Variants in PAK4 observed in about 807,000 individuals in gnomAD.
PAK4 encodes the protein p21 (RAC1) activated kinase 4.
A neutral mutation model predicts 53.5 loss-of-function variants in PAK4; 49 were observed. That is an observed-to-expected ratio of 0.92 (90% confidence interval 0.73 to 1.16). The LOEUF (loss-of-function observed/expected upper bound fraction) is 1.16, where lower values mean the gene tolerates loss of function less well. Among genes scored for constraint, PAK4 ranks in the 50% most tolerant of loss-of-function variants. The pLI is 0.00. For missense variants in PAK4, 824 were observed against 850.7 expected (o/e 0.97, Z 0.39); for synonymous variants, 376 against 375.6 (o/e 1.00, Z -0.01).
chr19:39,181,828 C>G (rs2074703201), downstream of PAK4: 1 of 152,322 alleles, frequency 6.6e-6, no homozygotes, highest in Non-Finnish European at 1.5e-5. Flanking sequence ...AGGAGGGGCA[C>G]AGGGATGGAT....
chr19:39,128,822 C>T (rs2073642754), intron 1 of PAK4, among the ~76,000 whole-genome samples: 1 of 152,186 alleles, frequency 6.6e-6, no homozygotes, highest in African/African-American at 2.4e-5. Flanking sequence ...TATTCACCAA[C>T]AGTAGAGCAA....
intron 1 of PAK4, among the ~76,000 whole-genome samples, chr19:39,127,980 G>T (rs568520540): frequency 1.8e-4 from 27 of 152,266 alleles, no homozygotes; most frequent in African/African-American, 6.5e-4. Flanking sequence ...GACGCTGAGG[G>T]GACTCAGCTT....
rs967793012 is a variant in PAK4 at position 39,142,801 on chromosome 19, C to T, written c.-23+16882C>T. Among the ~76,000 whole-genome samples, 3 of 152,240 alleles carry T rather than the reference C, an allele frequency of 2.0e-5. No homozygotes were observed. In the East Asian group the frequency reaches 5.8e-4, roughly 29 times the overall value. On this transcript the variant is annotated intron_variant, in intron 1 of 8. Coordinates refer to ENST00000358301, the Ensembl canonical transcript of PAK4. ...GTGTCACCCTGGGTGGCTTTCCCAG[C>T]CTCTCTACCTGCTTCCTTCTTGACA... is the stretch of plus-strand genomic sequence containing the variant.
chr19:39,141,371 A>C (rs1158677068), intron 1 of PAK4, among the ~76,000 whole-genome samples: 2 of 147,916 alleles, frequency 1.4e-5, no homozygotes, highest in African/African-American at 5.0e-5. Context: ...GCTGGAGTGC[A>C]GTGGTGCGAT....
chr19:39,148,596 G>A (rs4803212), intron 1 of PAK4, among the ~76,000 whole-genome samples: 45,515 of 147,644 alleles, frequency 0.31, 7,382 homozygotes, highest in Middle Eastern at 0.42. Context: ...CTGGGACTAG[G>A]GAGGCGCCCA....
rs767821493 is a variant in PAK4, at chr19:39,178,399, CT to C, written c.1621-24del. On this transcript the variant is annotated intron_variant, in intron 8 of 8. Transcript: ENST00000358301. This position sits in a 1 kb window ranked among gnomAD's most constrained non-coding sequence, Gnocchi z 4.4. ...AATGAACAGTGGGGAGCCTCGCCCC[CT>C]GACCCTCCCCTCCTTCTCGACAGGT... 12 of 1,564,662 alleles carry C rather than the reference CT, an allele frequency of 7.7e-6. No individual in the cohort carries two copies. Among genetic ancestry groups the C allele is most frequent in the African/African-American group, 4.1e-5 (3 of 73,514 alleles).
intron 1 of PAK4, among the ~76,000 whole-genome samples, chr19:39,148,141 G>A (rs894559083): frequency 6.6e-5 from 10 of 151,506 alleles, no homozygotes; most frequent in East Asian, 1.9e-4. Context: ...TAGTAGAGAC[G>A]GGGTTTCACC....
intron 1 of PAK4, 28 bp from the exon 3 acceptor site, chr19:39,169,504 A>G: frequency 6.6e-7 from 1 of 1,504,910 alleles, no homozygotes. Flanking sequence ...GCAGGCTCTC[A>G]CTCACCCACC....
intron 1 of PAK4, among the ~76,000 whole-genome samples, chr19:39,155,352 GA>G (rs1310308883): frequency 6.6e-6 from 1 of 152,180 alleles, no homozygotes; most frequent in Non-Finnish European, 1.5e-5. Flanking sequence ...GCAAGCTGCA[GA>G]CAGTGACAGC....
rs371469875 is a variant in PAK4, at chr19:39,131,614, G to A, written c.-23+5695G>A. On this transcript the variant is annotated intron_variant, in intron 1 of 8. Transcript: ENST00000358301. ...AGGTTGGAGGGGCCGAGGAGGGTGA[G>A]AAGGGGAACACTCTCCCATCCCAGG... 1.1e-4 allele frequency among the ~76,000 whole-genome samples: 17 copies of A among 152,342 alleles called. 1 individual carries two copies. The highest frequency in any genetic ancestry group is 3.8e-4 in the African/African-American group (16 of 41,592).
chr19:39,140,637 G>A (rs1200910552), intron 1 of PAK4, among the ~76,000 whole-genome samples: 1 of 152,164 alleles, frequency 6.6e-6, no homozygotes, highest in African/African-American at 2.4e-5. Context: ...GGACTAGGGG[G>A]GACTGATAGC....
chr19:39,175,144 A>G lies in PAK4; in HGVS notation c.1232+80A>G, dbSNP rs2074576682. 6.5e-7 allele frequency: 1 copy of G among 1,532,888 alleles called. No individual in the cohort carries two copies. Among genetic ancestry groups the G allele is most frequent in the Non-Finnish European group, 8.9e-7 (1 of 1,129,906 alleles). 95.0% of individuals were successfully genotyped at this position (1,532,888 alleles called of 1,614,324 possible). A position where few individuals can be genotyped will look rare whatever the true frequency, so the allele number is the denominator to read the frequency against. On this transcript the variant is annotated intron_variant, in intron 5 of 8. Coordinates refer to ENST00000358301, the Ensembl canonical transcript of PAK4. The surrounding 1 kb of genome is among the most constrained non-coding windows in gnomAD (Gnocchi z 4.7). Reference sequence around the variant, plus strand: ...ACTAGGGGTGGGGCCACATCTCCAAACCAGCTGTGCTCCGGGCCCCTGGGA... The same window carrying G: ...ACTAGGGGTGGGGCCACATCTCCAAGCCAGCTGTGCTCCGGGCCCCTGGGA...
intron 1 of PAK4, among the ~76,000 whole-genome samples, chr19:39,143,416 C>T (rs980609531): frequency 2.7e-5 from 4 of 150,142 alleles, no homozygotes; most frequent in African/African-American, 9.8e-5. Flanking sequence ...CACAGTGAAA[C>T]CCCGTCTCTA....
chr19:39,150,893 A>T (rs905208456), intron 1 of PAK4, among the ~76,000 whole-genome samples: 7 of 151,940 alleles, frequency 4.6e-5, no homozygotes, highest in Non-Finnish European at 8.8e-5. Context: ...GGACTTTCAC[A>T]TTTTTTGCGT....
intron 1 of PAK4, among the ~76,000 whole-genome samples, chr19:39,150,222 G>A (rs997441236): frequency 2.0e-5 from 3 of 152,044 alleles, no homozygotes; most frequent in Admixed American, 6.5e-5. Context: ...GTTACTTGCT[G>A]CAGCGCTGGG....
At chr19:39,160,028 A>G (rs942682746) in intron 1 of PAK4, among the ~76,000 whole-genome samples, 1 of 152,256 alleles carries the variant, frequency 6.6e-6, no homozygotes, top group Non-Finnish European at 1.5e-5. Context: ...AGCGTAGGCC[A>G]TGTGGCTGGG....
At chr19:39,140,769 G>A (rs547607173) in intron 1 of PAK4, among the ~76,000 whole-genome samples, 23 of 152,248 alleles carry the variant, frequency 1.5e-4, no homozygotes, top group African/African-American at 5.3e-4. Context: ...CCCTGCTCCG[G>A]CACAGCATCC....
intron 1 of PAK4, among the ~76,000 whole-genome samples, chr19:39,158,191 G>A (rs535844372): frequency 7.2e-5 from 11 of 151,746 alleles, no homozygotes; most frequent in Admixed American, 7.2e-4. Context: ...ATGTGTGTGA[G>A]CGTGCATGTA....
chr19:39,177,352 A>T (rs555573661), intron 7 of PAK4, among the ~76,000 whole-genome samples: 1 of 152,282 alleles, frequency 6.6e-6, no homozygotes, highest in African/African-American at 2.4e-5. Context: ...TTTCTGAACC[A>T]ATCACTGTGT....
Sources: gnomAD v4.1 joint callset for allele counts (sites outside exome capture counted in the v4.1 genomes callset) on GRCh38, gnomAD v4.1.1 for gene constraint, Gnocchi (gnomAD v3.1) non-coding constraint, MANE v1.5 for transcripts, NCBI Gene and HGNC (gene_info 2026-07-23, HGNC 2026-07-21) for gene names.